Variants in MUCL1 observed in about 807,000 individuals in gnomAD.
MUCL1 encodes the protein mucin-like protein 1.
In MUCL1, 11 loss-of-function variants were observed where a neutral mutation model predicts 9.2. The observed-to-expected ratio is 1.19, with a 90% CI of 0.75 to 1.97. The LOEUF (loss-of-function observed/expected upper bound fraction) is 1.97, where lower values mean the gene tolerates loss of function less well. Ranked by LOEUF, MUCL1 falls within the 30% of genes most tolerant of loss-of-function variation. The pLI is 0.00. For missense variants in MUCL1, 144 were observed against 110.9 expected (o/e 1.30, Z -1.34); for synonymous variants, 48 against 40.5 (o/e 1.19, Z -0.71).
intron 2 of MUCL1, among the ~76,000 whole-genome samples, chr12:54,855,813 C>G (rs749563647): frequency 5.3e-5 from 8 of 152,220 alleles, no homozygotes; most frequent in Non-Finnish European, 1.2e-4. Context: ...TCCTTCGCAT[C>G]TTGGGAATTT....
rs1159737165 is a variant in MUCL1, at chr12:54,855,663, T to G, written c.100+506T>G. Among the ~76,000 whole-genome samples the G allele has an allele frequency of 2.0e-5, 3 of 152,322 alleles. No individual in the cohort carries two copies. The East Asian group carries it at 5.8e-4, about 29-fold the overall frequency. ...TATATTCCTTATTCCCAGGCTGATGTTTGTTTCCCTTCTCTAACCTGAAAA... is the reference window on the plus strand; with the variant it reads ...TATATTCCTTATTCCCAGGCTGATGGTTGTTTCCCTTCTCTAACCTGAAAA... On this transcript the variant is annotated intron_variant, in intron 2 of 3. Transcript: ENST00000308796.
chr12:54,830,835 A>C (rs1312384214), exon 1 of MUCL1: 1 of 138,792 alleles, frequency 7.2e-6, no homozygotes, highest in Non-Finnish European at 1.6e-5. Context: ...TGAAAACAGA[A>C]AAAAAACTTT....
At chr12:54,850,150 T>C (rs1384916394), upstream of MUCL1, among the ~76,000 whole-genome samples, 2 of 152,186 alleles carry the variant, frequency 1.3e-5, no homozygotes, top group Non-Finnish European at 2.9e-5. Context: ...AGAACTTCCT[T>C]ATAACTACTC....
At chr12:54,842,638 C>G (rs1361712296) in intron 1 of MUCL1, among the ~76,000 whole-genome samples, 3 of 152,144 alleles carry the variant, frequency 2.0e-5, no homozygotes. Context: ...TCCTGTCTAA[C>G]TGAAACTTTG....
At chr12:54,856,195 G>A (rs1173313443) in intron 2 of MUCL1, among the ~76,000 whole-genome samples, 2 of 152,154 alleles carry the variant, frequency 1.3e-5, no homozygotes, top group African/African-American at 4.8e-5. Flanking sequence ...AATAAACAGA[G>A]TCCAAGCTGC....
chr12:54,850,562 T>C (rs902097570), upstream of MUCL1, among the ~76,000 whole-genome samples: 1 of 152,084 alleles, frequency 6.6e-6, no homozygotes, highest in Non-Finnish European at 1.5e-5. Context: ...TCTATCATTG[T>C]TGTACATTTG....
At chr12:54,841,848 G>A (rs781608035) in intron 1 of MUCL1, among the ~76,000 whole-genome samples, 13 of 152,030 alleles carry the variant, frequency 8.6e-5, no homozygotes, top group Non-Finnish European at 1.3e-4. Context: ...TTTGTTGCCT[G>A]TGCTTTTGGT....
At chr12:54,853,235 A>G (rs1338665187), upstream of MUCL1, among the ~76,000 whole-genome samples, 1 of 152,206 alleles carries the variant, frequency 6.6e-6, no homozygotes, top group African/African-American at 2.4e-5. Context: ...AAATCTTTAA[A>G]ATGTAGAGAA....
intron 1 of MUCL1, among the ~76,000 whole-genome samples, chr12:54,840,033 G>A (rs1206076305): frequency 2.6e-5 from 4 of 152,120 alleles, no homozygotes; most frequent in Non-Finnish European, 5.9e-5. Context: ...AATTCCCCCT[G>A]CCCCTGGAAG....
chr12:54,832,904 A>G (rs950025679), intron 1 of MUCL1, among the ~76,000 whole-genome samples: 6 of 152,066 alleles, frequency 3.9e-5, no homozygotes, highest in Non-Finnish European at 8.8e-5. Context: ...GTATAAAGTG[A>G]TCAGCTATAA....
upstream of MUCL1, among the ~76,000 whole-genome samples, chr12:54,851,564 C>T (rs1959340443): frequency 2.0e-5 from 3 of 152,274 alleles, no homozygotes; most frequent in African/African-American, 7.2e-5. Flanking sequence ...ACTGAATGGG[C>T]AAAAACTGGA....
At chr12:54,847,247 T>A (rs920205503) in intron 1 of MUCL1, among the ~76,000 whole-genome samples, 1 of 152,204 alleles carries the variant, frequency 6.6e-6, no homozygotes, top group Non-Finnish European at 1.5e-5. Context: ...GAAATAGTGT[T>A]GAGCAATGAA....
At chr12:54,841,523 A>G (rs1025570698) in intron 1 of MUCL1, among the ~76,000 whole-genome samples, 2 of 152,186 alleles carry the variant, frequency 1.3e-5, no homozygotes, top group Non-Finnish European at 2.9e-5. Context: ...TGTCTTTTCA[A>G]TAATAGCCAT....
intron 1 of MUCL1, among the ~76,000 whole-genome samples, chr12:54,847,810 T>A (rs1159440864): frequency 1.3e-5 from 2 of 152,174 alleles, no homozygotes; most frequent in African/African-American, 2.4e-5. Flanking sequence ...CAATAAAGTA[T>A]GACAGAAGTT....
intron 2 of MUCL1, chr12:54,855,431 A>G (rs1412010162): frequency 1.6e-5 from 6 of 386,046 alleles, no homozygotes; most frequent in East Asian, 4.5e-5. Flanking sequence ...GCACAAGAGC[A>G]TGAGGTCTGA....
chr12:54,837,483 G>A (rs1306381077), upstream of MUCL1, among the ~76,000 whole-genome samples: 1 of 152,014 alleles, frequency 6.6e-6, no homozygotes, highest in Non-Finnish European at 1.5e-5. Context: ...GAATCCTTAT[G>A]GGCTGGGTGT....
chr12:54,857,757 A>G (rs1868311760), intron 3 of MUCL1, among the ~76,000 whole-genome samples: 1 of 152,174 alleles, frequency 6.6e-6, no homozygotes, highest in South Asian at 2.1e-4. Flanking sequence ...AAGGATTCAA[A>G]TTACACCCAT....
At chr12:54,852,397 G>A (rs1247349255), upstream of MUCL1, among the ~76,000 whole-genome samples, 1 of 152,164 alleles carries the variant, frequency 6.6e-6, no homozygotes, top group East Asian at 1.9e-4. Flanking sequence ...ACGAAAACAA[G>A]CAATGGGGAA....
chr12:54,831,604 C>T (rs1475435551), intron 1 of MUCL1, among the ~76,000 whole-genome samples: 1 of 151,964 alleles, frequency 6.6e-6, no homozygotes, highest in African/African-American at 2.4e-5. Flanking sequence ...TTAAGTTATA[C>T]TAAGTTAAAT....
Sources: allele counts gnomAD v4.1 joint callset (sites outside exome capture counted in the v4.1 genomes callset), GRCh38; gene constraint gnomAD v4.1.1; transcripts MANE v1.5; gene names NCBI Gene and HGNC (gene_info 2026-07-23, HGNC 2026-07-21).